The following ZNF385D variants were observed in gnomAD, a reference collection of about 807,000 sequenced individuals.
ZNF385D encodes the protein zinc finger protein 659.
ZNF385D carries 15 observed loss-of-function variants against 35.8 expected under a neutral mutation model. The ratio of observed to expected loss-of-function variants is 0.42; its 90% CI spans 0.28 to 0.64. The LOEUF (loss-of-function observed/expected upper bound fraction) is 0.64, where lower values mean the gene tolerates loss of function less well. ZNF385D is among the 30% of genes least tolerant of loss of function. ZNF385D has a pLI of 0.23. For missense variants in ZNF385D, 474 were observed against 494.6 expected (o/e 0.96, Z 0.39); for synonymous variants, 212 against 186.8 (o/e 1.13, Z -1.10).
chr3:21,555,861 C>T (rs1312599315), intron 3 of ZNF385D, among the ~76,000 whole-genome samples: 1 of 152,130 alleles, frequency 6.6e-6, no homozygotes, highest in African/African-American at 2.4e-5. Context: ...TCTCTACATC[C>T]TCTTCAGCAT....
chr3:22,035,932 T>TA (rs1559321436), intron 3 of ZNF385D, among the ~76,000 whole-genome samples: 1 of 100,386 alleles, frequency 1.0e-5, no homozygotes, highest in Non-Finnish European at 2.5e-5. Context: ...ACTTTCACAG[T>TA]TTTTTTTTCC....
At chr3:22,033,587 A>C (rs934532989) in intron 3 of ZNF385D, among the ~76,000 whole-genome samples, 2 of 152,100 alleles carry the variant, frequency 1.3e-5, no homozygotes, top group Non-Finnish European at 2.9e-5. Flanking sequence ...ATCAGTGTTC[A>C]GTGTAACCAC....
rs565154599 is a variant in ZNF385D, at chr3:21,720,991, C to T, written c.22+29904G>A. 7.2e-5 allele frequency among the ~76,000 whole-genome samples: 11 copies of T among 152,196 alleles called. No individual in the cohort carries two copies. The South Asian group carries it at 1.4e-3, about 20-fold the overall frequency. On this transcript the variant is annotated intron_variant, in intron 1 of 7. Coordinates refer to ENST00000281523, the MANE Select transcript of ZNF385D (RefSeq NM_024697.3). ...GTATATGCCCATGTGCTAAATGACA[C>T]GCTTTGCTTAGAATTTCTTCTATTT...
chr3:21,703,763 A>T (rs533285363), intron 1 of ZNF385D, among the ~76,000 whole-genome samples: 46 of 152,144 alleles, frequency 3.0e-4, no homozygotes, highest in Non-Finnish European at 5.4e-4. Context: ...GAGTTGGCCA[A>T]ATATGTTGTT....
At position 21,414,695 on chromosome 3, in the gene ZNF385D, G is replaced by A. The variant is rs1478784865; in HGVS notation, c.*6519C>T. The A allele has an allele frequency of 6.6e-6, 1 of 152,066 alleles. No individual in the cohort carries two copies. The highest frequency in any genetic ancestry group is 1.5e-5 in the Non-Finnish European group (1 of 67,986). The allele number at this position is 152,066 out of a possible 1,614,324, so 9.4% of individuals were successfully genotyped here. ...AGTTTCCTCGTAGATGATTGGTAGT[G>A]AAGCCAACAACTGTGTTCACTGTTC... On this transcript the variant is annotated 3_prime_UTR_variant, in exon 8 of 8. Coordinates refer to ENST00000281523, the MANE Select transcript of ZNF385D (RefSeq NM_024697.3).
At chr3:22,195,994 G>A (rs894258054) in intron 2 of ZNF385D, among the ~76,000 whole-genome samples, 2 of 151,992 alleles carry the variant, frequency 1.3e-5, no homozygotes, top group African/African-American at 4.8e-5. Context: ...GGCACATAGA[G>A]GAGAACAATA....
chr3:21,625,051 T>C (rs557298980), intron 2 of ZNF385D, among the ~76,000 whole-genome samples: 11 of 152,216 alleles, frequency 7.2e-5, no homozygotes, highest in South Asian at 2.1e-4. Flanking sequence ...TTTCTTTGAT[T>C]CAGTTCTAAT....
At chr3:21,928,330 A>AGGAG (rs1051248782) in intron 3 of ZNF385D, among the ~76,000 whole-genome samples, 3 of 130,202 alleles carry the variant, frequency 2.3e-5, no homozygotes, top group African/African-American at 2.8e-5. Flanking sequence ...GAAGGAAGGA[A>AGGAG]GGAGGGAGGG....
chr3:22,284,105 C>T (rs1005264573), intron 2 of ZNF385D, among the ~76,000 whole-genome samples: 7 of 152,130 alleles, frequency 4.6e-5, no homozygotes, highest in Non-Finnish European at 8.8e-5. Context: ...GATAGTACAA[C>T]TGCCATTCTA....
intron 3 of ZNF385D, among the ~76,000 whole-genome samples, chr3:21,556,899 G>A (rs2062760510): frequency 6.6e-6 from 1 of 152,152 alleles, no homozygotes; most frequent in South Asian, 2.1e-4. Context: ...TCCCATGTAA[G>A]TTGTATTCCT....
intron 4 of ZNF385D, among the ~76,000 whole-genome samples, chr3:21,498,945 CAAAAAAAA>C (rs35511402): frequency 1.6e-5 from 1 of 64,264 alleles, no homozygotes; most frequent in Non-Finnish European, 2.7e-5. Flanking sequence ...GACTCCATCT[CAAAAAAAA>C]AAAAAAAAAA....
intron 4 of ZNF385D, chr3:21,443,269 G>A (rs1406390935): frequency 1.0e-6 from 1 of 985,210 alleles, no homozygotes; most frequent in African/African-American, 1.7e-5. Flanking sequence ...CAGGCTCAAG[G>A]ATGATTCAGG....
chr3:21,735,403 G>A (rs144281279), intron 1 of ZNF385D, among the ~76,000 whole-genome samples: 1 of 152,158 alleles, frequency 6.6e-6, no homozygotes, highest in Non-Finnish European at 1.5e-5. Context: ...GCTTATTCGG[G>A]CTAGGCAATT....
At position 21,510,867 on chromosome 3, in the gene ZNF385D, T is replaced by C; in HGVS notation, c.433A>G (p.Lys145Glu). The C allele has an allele frequency of 6.2e-7, 1 of 1,614,026 alleles. No homozygotes were observed. The highest frequency in any genetic ancestry group is 8.5e-7 in the Non-Finnish European group (1 of 1,179,918). Residue 145 changes from lysine (K) to glutamate (E), a missense_variant, in exon 4 of 8, where the codon AAA (lysine) becomes GAA (glutamate). By Grantham distance (56) the Lys-to-Glu change is moderately conservative (BLOSUM62 1). Transcript: ENST00000281523. The part of the protein sequence containing the change: ...TTNTINTSSD[K>E]TDGTAGTPAI... ...ACAAAGATCATTGCTTAACCTGTTT[T>C]GTCAGAGCTGGTATTGATGGTATTG... is the stretch of plus-strand genomic sequence containing the variant.
intron 3 of ZNF385D, among the ~76,000 whole-genome samples, chr3:22,086,939 G>A (rs553769325): frequency 5.7e-4 from 86 of 152,134 alleles, no homozygotes; most frequent in African/African-American, 2.0e-3. Context: ...GTCGTGGGGT[G>A]GGGGGAGAGG....
intron 2 of ZNF385D, among the ~76,000 whole-genome samples, chr3:21,591,321 T>G (rs1476461936): frequency 8.5e-5 from 13 of 152,164 alleles, no homozygotes; most frequent in Admixed American, 8.5e-4. Context: ...CAATATTATA[T>G]TTTATGTAAC....
At chr3:22,325,021 ACTTT>A (rs1223326291) in intron 2 of ZNF385D, among the ~76,000 whole-genome samples, 1 of 152,230 alleles carries the variant, frequency 6.6e-6, no homozygotes, top group African/African-American at 2.4e-5. Flanking sequence ...AACAGTACGT[ACTTT>A]CTAAGTTTGC....
intron 3 of ZNF385D, among the ~76,000 whole-genome samples, chr3:21,881,232 G>A (rs991298291): frequency 2.0e-4 from 31 of 151,982 alleles, no homozygotes; most frequent in African/African-American, 7.2e-4. Context: ...GACTTTCATA[G>A]CTCTAAGGAA....
chr3:21,756,439 G>A (rs2070345510), intron 3 of ZNF385D, among the ~76,000 whole-genome samples: 1 of 152,038 alleles, frequency 6.6e-6, no homozygotes, highest in South Asian at 2.1e-4. Flanking sequence ...GGCATGTCTG[G>A]TTTGTCATTC....
Sources: allele counts gnomAD v4.1 joint callset (sites outside exome capture counted in the v4.1 genomes callset), GRCh38; gene constraint gnomAD v4.1.1; transcripts MANE v1.5; gene names NCBI Gene and HGNC (gene_info 2026-07-23, HGNC 2026-07-21).